The following ACYP2 variants were observed in gnomAD, a reference collection of about 807,000 sequenced individuals.
ACYP2 encodes acylphosphatase-2.
In ACYP2, 12 loss-of-function variants were observed where a neutral mutation model predicts 11.2. That is an observed-to-expected ratio of 1.08 (90% CI 0.69 to 1.74). The LOEUF (loss-of-function observed/expected upper bound fraction) is 1.74. ACYP2 is among the 40% of genes most tolerant of loss of function. The pLI, the probability that ACYP2 is intolerant of heterozygous loss-of-function variation, is 0.00. For synonymous variants in ACYP2, 43 were observed against 32.2 expected (o/e 1.33, Z -1.13); for missense variants, 134 against 101.9 (o/e 1.31, Z -1.35).
chr2:54,041,902 C>T (rs943299705), intron 2 of ACYP2, among the ~76,000 whole-genome samples: 1 of 152,106 alleles, frequency 6.6e-6, no homozygotes, highest in African/African-American at 2.4e-5. Flanking sequence ...GCAATCCTCC[C>T]GCCTCAGCCT....
intron 6 of ACYP2, among the ~76,000 whole-genome samples, chr2:54,275,205 G>C (rs566655717): frequency 6.6e-6 from 1 of 152,306 alleles, no homozygotes; most frequent in East Asian, 1.9e-4. Context: ...ATTTATTCAA[G>C]TTAGATTTCA....
chr2:53,993,942 T>G (rs1414506376), intron 2 of ACYP2, among the ~76,000 whole-genome samples: 1 of 151,866 alleles, frequency 6.6e-6, no homozygotes, highest in Non-Finnish European at 1.5e-5. Context: ...TCCCAGCGCT[T>G]TGGGAGGCCG....
chr2:54,237,099 G>C (rs752574196), intron 6 of ACYP2, among the ~76,000 whole-genome samples: 3 of 152,092 alleles, frequency 2.0e-5, no homozygotes, highest in Non-Finnish European at 4.4e-5. Context: ...AAGTAATCTA[G>C]AGATGATTTA....
At position 53,973,771 on chromosome 2, in the gene ACYP2, T is replaced by A. The variant is rs1412999361; in HGVS notation, c.23T>A (p.Phe8Tyr). Residue 8 changes from phenylalanine to tyrosine, a missense_variant, in exon 2 of 7, where the codon TTT (phenylalanine) becomes TAT (tyrosine). Physicochemically the swap from Phe to Tyr is conservative, Grantham distance 22. Transcript: ENST00000607452. ...GCCATGTTGCTCACACAAAGCCTGTTTGGTGGTCTCTTCCCACGGACGCGC... is the reference window on the plus strand; with the variant it reads ...GCCATGTTGCTCACACAAAGCCTGTATGGTGGTCTCTTCCCACGGACGCGC... The A allele has an allele frequency of 1.1e-5, 4 of 348,298 alleles. No individual in the cohort carries two copies. Among genetic ancestry groups the A allele is most frequent in the Non-Finnish European group, 2.1e-5 (4 of 194,138 alleles). The allele number at this position is 348,298 out of a possible 1,614,324, so 21.6% of individuals were successfully genotyped here. A position where few individuals can be genotyped will look rare whatever the true frequency, so the allele number is the denominator to read the frequency against.
chr2:54,049,474 C>T (rs970120780), intron 2 of ACYP2, among the ~76,000 whole-genome samples: 2 of 152,160 alleles, frequency 1.3e-5, no homozygotes, highest in Admixed American at 6.5e-5. Flanking sequence ...ACCAAACAAA[C>T]AAAACCTTCC....
At chr2:54,275,488 G>C (rs972475170) in intron 6 of ACYP2, among the ~76,000 whole-genome samples, 1 of 152,182 alleles carries the variant, frequency 6.6e-6, no homozygotes, top group Non-Finnish European at 1.5e-5. Flanking sequence ...ACTATTTCTA[G>C]CTTCCAGTAT....
In ACYP2 at chr2:54,039,989, G is replaced by C. The variant is rs191332287; in HGVS notation, c.63-10969G>C. Among the ~76,000 whole-genome samples the C allele has an allele frequency of 7.2e-5, 11 of 152,026 alleles. No homozygotes were observed. In the East Asian group the frequency reaches 1.9e-3, roughly 27 times the overall value. On this transcript the variant is annotated intron_variant, in intron 2 of 6. Coordinates refer to ENST00000607452, the MANE Select transcript of ACYP2 (RefSeq NM_001320586.2). Reference sequence around the variant, plus strand: ...TTGTGCCTTGGCCTCCCAAAGTTCTGGGATTACAGTCATGAGCCACTGTGC... The same window carrying C: ...TTGTGCCTTGGCCTCCCAAAGTTCTCGGATTACAGTCATGAGCCACTGTGC...
At chr2:54,212,719 T>C (rs1016883620) in intron 6 of ACYP2, among the ~76,000 whole-genome samples, 1 of 152,254 alleles carries the variant, frequency 6.6e-6, no homozygotes, top group African/African-American at 2.4e-5. Flanking sequence ...TCTAAAGTAG[T>C]TGTGTAATCT....
chr2:54,124,818 C>G (rs1475937532), intron 4 of ACYP2, among the ~76,000 whole-genome samples: 1 of 152,232 alleles, frequency 6.6e-6, no homozygotes, highest in Non-Finnish European at 1.5e-5. Context: ...CTCCCCCACT[C>G]TATCCTCCCT....
chr2:54,070,023 C>A (rs974367538), intron 4 of ACYP2, among the ~76,000 whole-genome samples: 1 of 152,150 alleles, frequency 6.6e-6, no homozygotes, highest in African/African-American at 2.4e-5. Flanking sequence ...GTAATCCCAG[C>A]GCTTTGGGAG....
At chr2:54,043,681 G>A (rs1203260833) in intron 2 of ACYP2, among the ~76,000 whole-genome samples, 1 of 152,054 alleles carries the variant, frequency 6.6e-6, no homozygotes, top group Non-Finnish European at 1.5e-5. Flanking sequence ...TATATAAAGG[G>A]GATAATGGGT....
At chr2:54,095,414 G>A (rs994416685) in intron 4 of ACYP2, among the ~76,000 whole-genome samples, 2 of 152,306 alleles carry the variant, frequency 1.3e-5, no homozygotes, top group East Asian at 1.9e-4. Flanking sequence ...CCTCCCAGAC[G>A]GGGTGGTGGC....
At chr2:54,076,641 C>G (rs551656650) in intron 4 of ACYP2, among the ~76,000 whole-genome samples, 1 of 151,910 alleles carries the variant, frequency 6.6e-6, no homozygotes, top group Non-Finnish European at 1.5e-5. Context: ...TTTTTCAGAA[C>G]CAAGAGAAAG....
At chr2:54,133,351 G>C (rs11884435) in intron 4 of ACYP2, among the ~76,000 whole-genome samples, 39,375 of 151,990 alleles carry the variant, frequency 0.26, 5,230 homozygotes, top group African/African-American at 0.33. Flanking sequence ...CCGTTGTGTG[G>C]ATCTACCACA....
chr2:54,248,690 T>C (rs1179433916), intron 6 of ACYP2, among the ~76,000 whole-genome samples: 1 of 152,176 alleles, frequency 6.6e-6, no homozygotes, highest in Non-Finnish European at 1.5e-5. Flanking sequence ...AGGGACTATG[T>C]CTTACTCATC....
chr2:54,150,416 TTTTG>T (rs914288713), intron 6 of ACYP2, among the ~76,000 whole-genome samples: 6 of 152,188 alleles, frequency 3.9e-5, no homozygotes, highest in Non-Finnish European at 5.9e-5. Flanking sequence ...TGTGTTTCTT[TTTTG>T]TTTGTTTGTT....
At chr2:54,214,647 G>A (rs1685484182) in intron 6 of ACYP2, among the ~76,000 whole-genome samples, 1 of 152,202 alleles carries the variant, frequency 6.6e-6, no homozygotes, top group Admixed American at 6.5e-5. Context: ...CTGTAGCCTT[G>A]TAGTGTAGCT....
intron 4 of ACYP2, among the ~76,000 whole-genome samples, chr2:54,121,507 T>C (rs543485451): frequency 6.6e-6 from 1 of 152,332 alleles, no homozygotes; most frequent in South Asian, 2.1e-4. Flanking sequence ...AATACCATAT[T>C]TCTTAAATAT....
chr2:54,039,749 A>G (rs1196006359), intron 2 of ACYP2, among the ~76,000 whole-genome samples: 3 of 151,400 alleles, frequency 2.0e-5, no homozygotes, highest in Non-Finnish European at 2.9e-5. Flanking sequence ...TTTGAGCAGA[A>G]GAGTGATCTT....
Sources: gnomAD v4.1 joint callset for allele counts (sites outside exome capture counted in the v4.1 genomes callset) on GRCh38, gnomAD v4.1.1 for gene constraint, MANE v1.5 for transcripts, NCBI Gene and HGNC (gene_info 2026-07-23, HGNC 2026-07-21) for gene names.